The following TUBA1C variants were observed in gnomAD, a reference collection of about 807,000 sequenced individuals.
The protein encoded by TUBA1C is tubulin alpha 1c.
In TUBA1C, 16 loss-of-function variants were observed where a neutral mutation model predicts 34.9. The ratio of observed to expected loss-of-function variants is 0.46; its 90% CI spans 0.31 to 0.70. The LOEUF is 0.70. Among genes scored for constraint, TUBA1C ranks in the 30% least tolerant of loss-of-function variants. The pLI, the probability that TUBA1C is intolerant of heterozygous loss-of-function variation, is 0.05. For missense variants in TUBA1C, 329 were observed against 587.3 expected (o/e 0.56, Z 4.55); for synonymous variants, 177 against 215.9 (o/e 0.82, Z 1.58).
At chr12:49,235,062 C>T (rs192879740) in intron 1 of TUBA1C, among the ~76,000 whole-genome samples, 1,532 of 151,152 alleles carry the variant, frequency 0.01, 25 homozygotes, top group African/African-American at 0.035. Flanking sequence ...GTGATCCGCC[C>T]GCCTCGGCCT....
chr12:49,248,607 T>C (rs1942699332), intron 1 of TUBA1C, among the ~76,000 whole-genome samples: 1 of 150,738 alleles, frequency 6.6e-6, no homozygotes, highest in African/African-American at 2.4e-5. Context: ...CCCACGTCTG[T>C]AATCTCAGCA....
chr12:49,266,355 G>A (rs1032987633), intron 1 of TUBA1C, among the ~76,000 whole-genome samples: 42 of 150,150 alleles, frequency 2.8e-4, no homozygotes, highest in African/African-American at 7.4e-4. Context: ...GCGTGAACCC[G>A]GGAGGCGGAG....
Position 49,274,583 on chromosome 12 carries a change from A to G in TUBA1C, c.*1356A>G, listed in dbSNP as rs1303757718. On this transcript the variant is annotated 3_prime_UTR_variant, in exon 4 of 4. Transcript: ENST00000301072. ...AGAACTATTGCTGTCAGTCTTTAAT[A>G]AAGTATTAGTCACACGAGAAGGGCT... 1 of 152,066 alleles carries G rather than the reference A, an allele frequency of 6.6e-6. No homozygotes were observed. The highest frequency in any genetic ancestry group is 1.5e-5 in the Non-Finnish European group (1 of 68,020). 9.4% of individuals were successfully genotyped at this position (152,066 alleles called of 1,614,324 possible). A position where few individuals can be genotyped will look rare whatever the true frequency, so the allele number is the denominator to read the frequency against.
chr12:49,241,836 G>A (rs1256665525), intron 1 of TUBA1C, among the ~76,000 whole-genome samples: 1 of 151,700 alleles, frequency 6.6e-6, no homozygotes, highest in Admixed American at 6.6e-5. Flanking sequence ...TTTTAGTAGA[G>A]ATTGGGTTTT....
chr12:49,267,389 T>A (rs750400068), intron 1 of TUBA1C, among the ~76,000 whole-genome samples: 17 of 152,290 alleles, frequency 1.1e-4, no homozygotes, highest in South Asian at 6.2e-4. Flanking sequence ...CCGGGCGTGG[T>A]GGCTCCCGCC....
chr12:49,258,600 G>T (rs968815364), intron 1 of TUBA1C, among the ~76,000 whole-genome samples: 8 of 150,436 alleles, frequency 5.3e-5, no homozygotes, highest in African/African-American at 2.0e-4. Context: ...GCTAATTTTT[G>T]TGTTTTTAGT....
At position 49,272,717 on chromosome 12, in the gene TUBA1C, A is replaced by G. The variant is rs747667284; in HGVS notation, c.840A>G (p.Lys280=). 25 of 1,612,520 alleles carry G rather than the reference A, an allele frequency of 1.6e-5. No homozygotes were observed. Among genetic ancestry groups the G allele is most frequent in the Non-Finnish European group, 2.1e-5 (25 of 1,179,918 alleles). The change falls in exon 4 of 4, where the codon AAA becomes AAG. Residue 280 remains lysine, a synonymous_variant. Transcript: ENST00000301072. The stretch of plus-strand genomic sequence containing the variant: ...ATGCCCCTGTCATCTCTGCTGAGAA[A>G]GCCTACCACGAACAGCTTACTGTAG... ...ATYAPVISAE[K]AYHEQLTVAE...
In TUBA1C at chr12:49,272,652, C is replaced by T. The variant is rs1943008665; in HGVS notation, c.775C>T (p.Leu259=). The T allele has an allele frequency of 6.2e-7, 1 of 1,610,310 alleles. No homozygotes were observed. The highest frequency in any genetic ancestry group is 8.5e-7 in the Non-Finnish European group (1 of 1,178,876). The part of the protein sequence containing the change: ...NVDLTEFQTN[L]VPYPRIHFPL... ...TGACCTGACAGAATTCCAGACCAAC[C>T]TGGTGCCCTACCCCCGCATCCACTT... Residue 259 remains leucine, a synonymous_variant, in exon 4 of 4, where the codon CTG becomes TTG. Transcript: ENST00000301072.
In TUBA1C at chr12:49,273,445, G is replaced by T; in HGVS notation, c.*218G>T. ...CTGTCACCCAGGCTGGAGTGCAGTG[G>T]CATGATAATACATAGCTCATTGCAG... On this transcript the variant is annotated 3_prime_UTR_variant, in exon 4 of 4. Transcript: ENST00000301072. 1 of 754,450 alleles carries T rather than the reference G, an allele frequency of 1.3e-6. No homozygotes were observed. Among genetic ancestry groups the T allele is most frequent in the East Asian group, 2.9e-5 (1 of 34,472 alleles). The allele number at this position is 754,450 out of a possible 1,614,324, so 46.7% of individuals were successfully genotyped here.
intron 1 of TUBA1C, chr12:49,234,207 C>T (rs1349426527): frequency 6.6e-6 from 1 of 152,234 alleles, no homozygotes; most frequent in Non-Finnish European, 1.5e-5. Flanking sequence ...AACCCCTAGC[C>T]CATTTATCCA....
chr12:49,230,191 T>G (rs1405499642), intron 1 of TUBA1C, among the ~76,000 whole-genome samples: 1 of 152,002 alleles, frequency 6.6e-6, no homozygotes, highest in Admixed American at 6.6e-5. Flanking sequence ...TAGCATTCCA[T>G]GCATAATGAC....
At position 49,269,466 on chromosome 12, in the gene TUBA1C, G is replaced by T. The variant is rs377104935; in HGVS notation, c.5G>T (p.Arg2Leu). 6.2e-7 allele frequency: 1 copy of T among 1,614,160 alleles called. No individual in the cohort carries two copies. Among genetic ancestry groups the T allele is most frequent in the Non-Finnish European group, 8.5e-7 (1 of 1,180,042 alleles). Residue 2 changes from arginine to leucine, a missense_variant and splice_region_variant, in exon 2 of 4, where the codon CGT (arginine) becomes CTT (leucine). Arg to Leu is a moderately radical substitution (Grantham distance 102). This residue lies in a region of TUBA1C where 152 missense variants were observed against 240.3 expected (regional missense o/e 0.63). Coordinates refer to ENST00000301072, the MANE Select transcript of TUBA1C (RefSeq NM_032704.5). M[R>L]ECISIHVGQA... ...CATTTTCCTTTCTTCCTCCCACAGC[G>T]TGAGTGCATCTCCATCCACGTTGGC...
intron 1 of TUBA1C, among the ~76,000 whole-genome samples, chr12:49,266,924 G>A (rs11168948): frequency 0.15 from 23,103 of 152,188 alleles, 2,130 homozygotes; most frequent in African/African-American, 0.26. Context: ...TTTTCAAGCA[G>A]TACCAAAAAG....
intron 1 of TUBA1C, among the ~76,000 whole-genome samples, chr12:49,230,183 G>A (rs550050692): frequency 4.0e-5 from 6 of 151,308 alleles, no homozygotes; most frequent in African/African-American, 1.5e-4. Flanking sequence ...CTCTTACATA[G>A]CATTCCATGC....
At chr12:49,253,104 A>AAAAT (rs979678029) in intron 1 of TUBA1C, among the ~76,000 whole-genome samples, 2 of 151,762 alleles carry the variant, frequency 1.3e-5, no homozygotes, top group African/African-American at 4.8e-5. Context: ...AAAAAAAAAA[A>AAAAT]AAAGACTTTC....
At chr12:49,264,219 CAAAA>C (rs572667018), upstream of TUBA1C, among the ~76,000 whole-genome samples, 2,253 of 79,584 alleles carry the variant, frequency 0.028, 57 homozygotes, top group African/African-American at 0.092. Context: ...GACTCCGTCT[CAAAA>C]AAAAAAAAAA....
intron 1 of TUBA1C, among the ~76,000 whole-genome samples, chr12:49,235,389 G>A (rs1408195049): frequency 6.6e-6 from 1 of 152,092 alleles, no homozygotes; most frequent in Admixed American, 6.5e-5. Flanking sequence ...GAAAGGTGTC[G>A]GGGTTGCAGG....
At chr12:49,239,068 C>T (rs141309418) in intron 1 of TUBA1C, among the ~76,000 whole-genome samples, 298 of 152,316 alleles carry the variant, frequency 2.0e-3, no homozygotes, top group Middle Eastern at 0.014. Flanking sequence ...GTTCCCCTGG[C>T]AACCGGATCC....
intron 1 of TUBA1C, among the ~76,000 whole-genome samples, 170 bp downstream of exon 1, chr12:49,265,354 C>T (rs950998382): frequency 6.6e-6 from 1 of 152,186 alleles, no homozygotes; most frequent in East Asian, 1.9e-4. Context: ...GTTCACTTGG[C>T]AGACACCAGT....
Sources: gnomAD v4.1 joint callset for allele counts (sites outside exome capture counted in the v4.1 genomes callset) on GRCh38, gnomAD v4.1.1 for gene constraint, gnomAD v4.1.1 regional missense constraint, MANE v1.5 for transcripts, NCBI Gene and HGNC (gene_info 2026-07-23, HGNC 2026-07-21) for gene names.